The following HS6ST2 variants were observed in gnomAD, a reference collection of about 807,000 sequenced individuals.
HS6ST2 encodes heparan sulfate 6-O-sulfotransferase 2, also known as heparan-sulfate 6-O-sulfotransferase 2.
Under a neutral mutation model 33.0 loss-of-function variants are expected in HS6ST2, and 17 were observed. That is an observed-to-expected ratio of 0.52 (90% CI 0.35 to 0.77). HS6ST2 has a LOEUF of 0.77. HS6ST2 is among the 30% of genes least tolerant of loss of function. HS6ST2 has a pLI of 0.01. For synonymous variants in HS6ST2, 248 were observed against 237.1 expected (o/e 1.05, Z -0.42); for missense variants, 519 against 551.7 (o/e 0.94, Z 0.59).
chrX:132,920,371 T>C (rs936683599), intron 2 of HS6ST2, among the ~76,000 whole-genome samples: 3 of 110,533 alleles, frequency 2.7e-5, no homozygotes. Context: ...CATCGATGCT[T>C]ACACCTCCGT....
At chrX:132,837,106 G>A (rs1212323653) in intron 2 of HS6ST2, among the ~76,000 whole-genome samples, 1 of 111,825 alleles carries the variant, frequency 8.9e-6, no homozygotes, top group African/African-American at 3.2e-5. Flanking sequence ...AGCCAAAAAC[G>A]CCTAGAAAGC....
At chrX:132,885,473 G>A (rs1383170953) in intron 2 of HS6ST2, among the ~76,000 whole-genome samples, 5 of 111,706 alleles carry the variant, frequency 4.5e-5, no homozygotes, top group Non-Finnish European at 7.5e-5. Context: ...AAAGCAAGAA[G>A]GAGGGTCACC....
intron 2 of HS6ST2, among the ~76,000 whole-genome samples, chrX:132,743,757 T>C (rs2064606471): frequency 9.0e-6 from 1 of 111,349 alleles, no homozygotes; most frequent in Admixed American, 9.5e-5. Context: ...AATTGCAGCG[T>C]TTTTTGTTTG....
At chrX:132,864,248 G>C (rs2065944919) in intron 2 of HS6ST2, among the ~76,000 whole-genome samples, 1 of 109,835 alleles carries the variant, frequency 9.1e-6, no homozygotes, top group East Asian at 2.9e-4. Context: ...GAAGGAGAAT[G>C]ACATGGACGA....
chrX:132,686,973 G>T (rs1387749409), intron 3 of HS6ST2, among the ~76,000 whole-genome samples: 1 of 111,790 alleles, frequency 8.9e-6, no homozygotes, highest in Non-Finnish European at 1.9e-5. Context: ...TGGAATTCTA[G>T]GACACTCCAA....
intron 2 of HS6ST2, among the ~76,000 whole-genome samples, chrX:132,896,415 G>A (rs893726953): frequency 6.5e-5 from 7 of 107,117 alleles, no homozygotes; most frequent in Non-Finnish European, 1.9e-5. Flanking sequence ...AGCTTGTAGT[G>A]AGCCAAGATT....
At chrX:132,872,135 C>T (rs772087696) in intron 2 of HS6ST2, among the ~76,000 whole-genome samples, 1 of 111,292 alleles carries the variant, frequency 9.0e-6, no homozygotes, top group South Asian at 3.9e-4. Flanking sequence ...CCTGCATCTA[C>T]TGGGAGTAGG....
chrX:132,659,589 C>A (rs980636766), intron 4 of HS6ST2, among the ~76,000 whole-genome samples: 3 of 109,919 alleles, frequency 2.7e-5, no homozygotes, highest in Non-Finnish European at 5.7e-5. Context: ...TCTGAGGCCT[C>A]CAGCAGCAGG....
chrX:132,952,510 G>A (rs2067024871), intron 2 of HS6ST2, among the ~76,000 whole-genome samples: 1 of 110,990 alleles, frequency 9.0e-6, no homozygotes, highest in Admixed American at 9.6e-5. Context: ...AAGAAAGAGG[G>A]AAAGCGTGGG....
chrX:132,942,280 A>T (rs183413951), intron 2 of HS6ST2, among the ~76,000 whole-genome samples: 4 of 112,306 alleles, frequency 3.6e-5, no homozygotes, highest in Admixed American at 2.8e-4. Flanking sequence ...ATGAGGCATC[A>T]GCTTAAGTGG....
At chrX:132,786,367 A>G (rs975070361) in intron 2 of HS6ST2, among the ~76,000 whole-genome samples, 1 of 111,149 alleles carries the variant, frequency 9.0e-6, no homozygotes, top group Admixed American at 9.6e-5. Flanking sequence ...ATGTGGCATA[A>G]TTGGGGAATG....
chrX:132,636,204 C>T (rs2063550240), intron 4 of HS6ST2, among the ~76,000 whole-genome samples: 1 of 111,766 alleles, frequency 8.9e-6, no homozygotes, highest in Non-Finnish European at 1.9e-5. Context: ...TGAATTTCTG[C>T]AGGAGAAGCA....
At chrX:132,771,707 G>T (rs776995407) in intron 2 of HS6ST2, among the ~76,000 whole-genome samples, 3 of 111,786 alleles carry the variant, frequency 2.7e-5, no homozygotes, top group Non-Finnish European at 5.6e-5. Context: ...CTGCTCGCAT[G>T]GGAAGCCTTA....
At chrX:132,749,754 AGC>A (rs2064681727) in intron 2 of HS6ST2, among the ~76,000 whole-genome samples, 1 of 111,752 alleles carries the variant, frequency 8.9e-6, no homozygotes, top group Non-Finnish European at 1.9e-5. Flanking sequence ...AGAGTCATTC[AGC>A]AGTATCAAAG....
At chrX:132,784,922 A>C (rs2065048515) in intron 2 of HS6ST2, among the ~76,000 whole-genome samples, 1 of 111,578 alleles carries the variant, frequency 9.0e-6, no homozygotes, top group Non-Finnish European at 1.9e-5. Flanking sequence ...GCTCTCTAGA[A>C]TCTGTCCTTT....
At chrX:132,917,950 C>A (rs1311053233) in intron 2 of HS6ST2, among the ~76,000 whole-genome samples, 1 of 112,290 alleles carries the variant, frequency 8.9e-6, no homozygotes, top group Admixed American at 9.4e-5. Flanking sequence ...CACACTTTAT[C>A]CATGATCTCC....
chrX:132,952,279 T>C, intron 2 of HS6ST2, among the ~76,000 whole-genome samples: 1 of 111,752 alleles, frequency 8.9e-6, no homozygotes, highest in South Asian at 3.7e-4. Flanking sequence ...TAATGGTAGA[T>C]TTCTCCCCCT....
chrX:132,845,300 G>A (rs2065742143), intron 2 of HS6ST2, among the ~76,000 whole-genome samples: 1 of 109,782 alleles, frequency 9.1e-6, no homozygotes, highest in Admixed American at 9.8e-5. Context: ...GTGAATGTGT[G>A]TTGCATGTGT....
At position 132,744,375 on chromosome X, in the gene HS6ST2, C is replaced by T. The variant is rs17000311; in HGVS notation, c.948-35881G>A. Among the ~76,000 whole-genome samples, 750 of 111,602 alleles carry T rather than the reference C, an allele frequency of 6.7e-3. 7 individuals carry two copies. The highest frequency in any genetic ancestry group is 0.022 in the African/African-American group (679 of 30,715). ...AGAAACTTGGAGGTAATAAGCTACA[C>T]GGCCCCTGAGATCTGAAGGACTACA... On this transcript the variant is annotated intron_variant, in intron 2 of 4. Coordinates refer to ENST00000370833, the MANE Select transcript of HS6ST2 (RefSeq NM_001394073.1).
Sources: allele counts gnomAD v4.1 joint callset (sites outside exome capture counted in the v4.1 genomes callset), GRCh38; gene constraint gnomAD v4.1.1; transcripts MANE v1.5; gene names NCBI Gene and HGNC (gene_info 2026-07-23, HGNC 2026-07-21).